The following KDM4C variants were observed in gnomAD, a reference collection of about 807,000 sequenced individuals.
KDM4C encodes the protein lysine-specific demethylase 4C.
A neutral mutation model predicts 129.3 loss-of-function variants in KDM4C; 81 were observed. That is an observed-to-expected ratio of 0.63 (90% CI 0.52 to 0.75). KDM4C has a LOEUF of 0.75. KDM4C is among the 30% of genes least tolerant of loss of function. The pLI is 0.00. For missense variants in KDM4C, 1,457 were observed against 1,304.0 expected, an observed-to-expected ratio of 1.12 and a Z score of -1.81; for synonymous variants, 573 against 456.1, an observed-to-expected ratio of 1.26 and a Z score of -3.26.
At chr9:7,131,166 A>T (rs1471367642) in intron 19 of KDM4C, among the ~76,000 whole-genome samples, 1 of 152,002 alleles carries the variant, frequency 6.6e-6, no homozygotes, top group African/African-American at 2.4e-5. Context: ...TGTGCTCCCC[A>T]CTGCAATATC....
chr9:6,722,670 T>C (rs1816995040), intron 1 of KDM4C, among the ~76,000 whole-genome samples: 1 of 151,878 alleles, frequency 6.6e-6, no homozygotes, highest in Admixed American at 6.6e-5. Flanking sequence ...TGCACCACCA[T>C]GCCCAGCTAA....
At chr9:7,066,192 A>G (rs1390612820) in intron 17 of KDM4C, among the ~76,000 whole-genome samples, 1 of 152,178 alleles carries the variant, frequency 6.6e-6, no homozygotes, top group Non-Finnish European at 1.5e-5. Context: ...TTATTTAATA[A>G]ATACATACAG....
At chr9:7,033,982 C>T (rs901682485) in intron 15 of KDM4C, among the ~76,000 whole-genome samples, 1 of 151,344 alleles carries the variant, frequency 6.6e-6, no homozygotes, top group Non-Finnish European at 1.5e-5. Flanking sequence ...AAAATTAATT[C>T]AGTGACATGA....
chr9:6,741,628 C>A (rs937294352), intron 1 of KDM4C, among the ~76,000 whole-genome samples: 3 of 145,426 alleles, frequency 2.1e-5, no homozygotes, highest in Admixed American at 6.8e-5. Flanking sequence ...GTCTTTATTT[C>A]ATCTTTATTC....
At chr9:7,012,063 GA>G (rs1421304195) in intron 13 of KDM4C, among the ~76,000 whole-genome samples, 184 bp downstream of exon 13, 1 of 152,090 alleles carries the variant, frequency 6.6e-6, no homozygotes, top group Non-Finnish European at 1.5e-5. Flanking sequence ...ACACTTTTCT[GA>G]AAGTACTTTA....
chr9:7,101,201 A>G (rs989184076), intron 17 of KDM4C, among the ~76,000 whole-genome samples: 4 of 152,140 alleles, frequency 2.6e-5, no homozygotes, highest in African/African-American at 9.7e-5. Flanking sequence ...GCCAGGTAGC[A>G]TTTCGTTCAC....
chr9:6,849,259 G>T (rs1838396307), intron 4 of KDM4C, among the ~76,000 whole-genome samples: 2 of 152,206 alleles, frequency 1.3e-5, no homozygotes, highest in Admixed American at 6.5e-5. Context: ...TTGGCATCAG[G>T]AAGCTATTTG....
At chr9:7,069,249 G>A (rs1759805747) in intron 17 of KDM4C, among the ~76,000 whole-genome samples, 1 of 152,178 alleles carries the variant, frequency 6.6e-6, no homozygotes, top group South Asian at 2.1e-4. Flanking sequence ...TGATGAATAT[G>A]TAGTCTACAT....
At chr9:7,042,160 A>T (rs1444548748) in intron 15 of KDM4C, among the ~76,000 whole-genome samples, 1 of 152,090 alleles carries the variant, frequency 6.6e-6, no homozygotes, top group Non-Finnish European at 1.5e-5. Flanking sequence ...TTAGGGAAGT[A>T]CTAATTTTTT....
chr9:7,136,444 A>G (rs1841214533), intron 19 of KDM4C, among the ~76,000 whole-genome samples: 1 of 152,180 alleles, frequency 6.6e-6, no homozygotes. Flanking sequence ...TTATCTTCCC[A>G]CCAGCAACAT....
At chr9:7,016,004 A>T (rs1236634700) in intron 15 of KDM4C, 75 bp downstream of exon 15, 1 of 1,025,956 alleles carries the variant, frequency 9.7e-7, no homozygotes, top group Non-Finnish European at 1.5e-6. Context: ...AGTCTAGGGA[A>T]AAGATAAGAT....
chr9:7,011,644 G>A (rs1822713114), intron 12 of KDM4C, 54 bp from the exon 13 acceptor site: 1 of 1,486,410 alleles, frequency 6.7e-7, no homozygotes, highest in Admixed American at 1.7e-5. Context: ...TACTCAGGGT[G>A]ATTGTTTTCC....
At chr9:6,829,363 C>T (rs886414411) in intron 4 of KDM4C, among the ~76,000 whole-genome samples, 1 of 152,250 alleles carries the variant, frequency 6.6e-6, no homozygotes, top group East Asian at 1.9e-4. Flanking sequence ...GGGCAGATTT[C>T]TGTGGGAAAG....
At chr9:6,776,856 C>T (rs1046915839) in intron 1 of KDM4C, among the ~76,000 whole-genome samples, 13 of 151,188 alleles carry the variant, frequency 8.6e-5, no homozygotes, top group African/African-American at 2.9e-4. Context: ...CCCGCCTCGG[C>T]CTCCCAAAGT....
In KDM4C at chr9:6,849,683, T is replaced by A; in HGVS notation, c.612T>A (p.Phe204Leu). 6.3e-7 allele frequency: 1 copy of A among 1,587,574 alleles called. No homozygotes were observed. Residue 204 changes from phenylalanine to leucine, a missense_variant, in exon 5 of 22, where the codon TTT becomes TTA. Physicochemically the swap from Phe to Leu is conservative, Grantham distance 22. Coordinates refer to ENST00000381309, the MANE Select transcript of KDM4C (RefSeq NM_015061.6). Reference protein sequence around the residue: ...MDLYSINYLHFGEPKSWYAIP... With the variant: ...MDLYSINYLHLGEPKSWYAIP... ...TCTATAGCATTAATTATCTCCACTTTGGAGAGCCCAAGTCTTGGCAAGTTA... is the reference window on the plus strand; with the variant it reads ...TCTATAGCATTAATTATCTCCACTTAGGAGAGCCCAAGTCTTGGCAAGTTA...
chr9:6,839,109 C>T (rs1450854790), intron 4 of KDM4C, among the ~76,000 whole-genome samples: 2 of 152,168 alleles, frequency 1.3e-5, no homozygotes, highest in Non-Finnish European at 2.9e-5. Context: ...CTTTAAGTTG[C>T]CAGCACAGTA....
At chr9:7,137,502 T>G (rs1480384055) in intron 19 of KDM4C, among the ~76,000 whole-genome samples, 1 of 152,198 alleles carries the variant, frequency 6.6e-6, no homozygotes, top group Non-Finnish European at 1.5e-5. Flanking sequence ...TGATGCAAAA[T>G]TTTACACTTT....
intron 8 of KDM4C, among the ~76,000 whole-genome samples, chr9:6,968,908 T>C (rs1831461435): frequency 6.6e-6 from 1 of 152,176 alleles, no homozygotes; most frequent in Admixed American, 6.5e-5. Flanking sequence ...TTCTGGGATA[T>C]TGGAATATGT....
chr9:7,051,806 A>T (rs568365033), intron 17 of KDM4C, among the ~76,000 whole-genome samples: 2 of 152,172 alleles, frequency 1.3e-5, no homozygotes, highest in Non-Finnish European at 2.9e-5. Context: ...TCACCAAACA[A>T]TTATCACTTG....
Sources: allele counts gnomAD v4.1 joint callset (sites outside exome capture counted in the v4.1 genomes callset), GRCh38; gene constraint gnomAD v4.1.1; transcripts MANE v1.5; gene names NCBI Gene and HGNC (gene_info 2026-07-23, HGNC 2026-07-21).